The following LINGO3 variants were observed in gnomAD, a reference collection of about 807,000 sequenced individuals.
The protein encoded by LINGO3 is leucine-rich repeat and immunoglobulin-like domain-containing nogo receptor-interacting protein 3.
For missense variants in LINGO3, 750 were observed against 867.7 expected (o/e 0.86, Z 1.70); for synonymous variants, 427 against 444.2 (o/e 0.96, Z 0.49).
upstream of LINGO3, among the ~76,000 whole-genome samples, chr19:2,296,969 G>A (rs1026404059): frequency 4.0e-5 from 6 of 151,600 alleles, no homozygotes; most frequent in African/African-American, 2.4e-5. Flanking sequence ...GCGGGCGCCC[G>A]TAGTCCCAGC....
At chr19:2,307,676 G>A in the LINGO3 span, among the ~76,000 whole-genome samples, 1 of 152,178 alleles carries the variant, frequency 6.6e-6, no homozygotes, top group African/African-American at 2.4e-5. Context: ...GACCCGGCTC[G>A]GGGGAGACAG....
Position 2,290,608 on chromosome 19 carries a change from A to G in LINGO3, c.1169T>C (p.Leu390Pro). 6.3e-7 allele frequency: 1 copy of G among 1,589,204 alleles called. No homozygotes were observed. Among genetic ancestry groups the G allele is most frequent in the Non-Finnish European group, 8.5e-7 (1 of 1,172,758 alleles). The change falls in exon 1 of 1, where the codon CTG becomes CCG. Residue 390 changes from leucine to proline, a missense_variant. By Grantham distance (98) the Leu-to-Pro change is moderately conservative. Transcript: ENST00000585527. This position sits in a 1 kb window ranked among gnomAD's most constrained non-coding sequence, Gnocchi z 6.0. ...CAGCACGGAGTCCGGCAGGTTTCGC[A>G]GCGCGTCGCCGCGCACCTCGGCCGG...
chr19:2,288,068 C>T (rs1001068444), downstream of LINGO3, among the ~76,000 whole-genome samples: 16 of 152,322 alleles, frequency 1.1e-4, no homozygotes, highest in Admixed American at 9.2e-4. This position sits in a 1 kb window ranked among gnomAD's most constrained non-coding sequence, Gnocchi z 6.5. Flanking sequence ...CTGAATCCTT[C>T]TGCAAAACCT....
downstream of LINGO3, among the ~76,000 whole-genome samples, chr19:2,287,235 A>C (rs2025477280): frequency 6.7e-6 from 1 of 149,620 alleles, no homozygotes; most frequent in Admixed American, 6.6e-5. The surrounding 1 kb of genome is among the most constrained non-coding windows in gnomAD (Gnocchi z 4.5). Flanking sequence ...GGGGGTGCTG[A>C]GGGGTCTTAG....
chr19:2,307,186 T>C, the LINGO3 span, among the ~76,000 whole-genome samples: 4 of 152,302 alleles, frequency 2.6e-5, no homozygotes, highest in African/African-American at 9.6e-5. Context: ...CAAGGGTGTC[T>C]GCAGCCTCGC....
In LINGO3 at chr19:2,290,034, C is replaced by T. The variant is rs1568411359; in HGVS notation, c.1743G>A (p.Gln581=). The T allele has an allele frequency of 2.6e-6, 4 of 1,549,114 alleles. No homozygotes were observed. Among genetic ancestry groups the T allele is most frequent in the Middle Eastern group, 1.7e-4 (1 of 5,980 alleles). ...TCATGTTGAACTTGCGCGCGCCTCC[C>T]TGGCCCGCCGCGGCGGCCGGCCCAT... Residue 581 remains glutamine (Q), a synonymous_variant, in exon 1 of 1, where the codon CAG becomes CAA. Coordinates refer to ENST00000585527, the Ensembl canonical transcript of LINGO3. This position sits in a 1 kb window ranked among gnomAD's most constrained non-coding sequence, Gnocchi z 6.0.
chr19:2,294,734 C>T (rs554420768), upstream of LINGO3, among the ~76,000 whole-genome samples: 25 of 151,774 alleles, frequency 1.6e-4, no homozygotes, highest in African/African-American at 5.6e-4. This position sits in a 1 kb window ranked among gnomAD's most constrained non-coding sequence, Gnocchi z 4.3. Context: ...GGGCTGTTTC[C>T]GTCTCTCCTG....
upstream of LINGO3, among the ~76,000 whole-genome samples, chr19:2,296,135 T>C (rs1776307121): frequency 6.6e-6 from 1 of 152,212 alleles, no homozygotes; most frequent in Non-Finnish European, 1.5e-5. Flanking sequence ...TCTCCCGAGC[T>C]GCTGCCCTGC....
the LINGO3 span, among the ~76,000 whole-genome samples, chr19:2,302,491 C>T: frequency 6.6e-6 from 1 of 152,252 alleles, no homozygotes; most frequent in Non-Finnish European, 1.5e-5. Flanking sequence ...CTCCTCGGCT[C>T]TGCGCCCCGC....
chr19:2,305,852 G>A, the LINGO3 span, among the ~76,000 whole-genome samples: 3 of 152,160 alleles, frequency 2.0e-5, no homozygotes, highest in Non-Finnish European at 2.9e-5. Context: ...ACAGCACGTG[G>A]CCCTCCAAGG....
chr19:2,296,899 T>C (rs992327231), upstream of LINGO3, among the ~76,000 whole-genome samples: 15 of 148,218 alleles, frequency 1.0e-4, no homozygotes, highest in East Asian at 1.6e-3. Context: ...CCATCCTGGC[T>C]AACATGGTGA....
chr19:2,294,937 C>G (rs1176617697), upstream of LINGO3, among the ~76,000 whole-genome samples: 1 of 151,966 alleles, frequency 6.6e-6, no homozygotes, highest in Non-Finnish European at 1.5e-5. The surrounding 1 kb of genome is among the most constrained non-coding windows in gnomAD (Gnocchi z 4.3). Context: ...GGCAGCTGAG[C>G]CCCCCTCGGC....
At chr19:2,293,701 C>T (rs2025548221), upstream of LINGO3, among the ~76,000 whole-genome samples, 1 of 152,080 alleles carries the variant, frequency 6.6e-6, no homozygotes, top group East Asian at 2.0e-4. Context: ...CAGGCCCATC[C>T]ACAGACAGGG....
chr19:2,301,702 C>T, the LINGO3 span, among the ~76,000 whole-genome samples: 2 of 151,936 alleles, frequency 1.3e-5, no homozygotes, highest in Admixed American at 6.6e-5. Flanking sequence ...CCGAGGAGGG[C>T]GGATCACAAG....
chr19:2,297,355 A>C, the LINGO3 span, among the ~76,000 whole-genome samples: 3 of 113,762 alleles, frequency 2.6e-5, no homozygotes, highest in Admixed American at 3.7e-4. Context: ...CCCAGGCTGG[A>C]GTGCAGTGGC....
exon 1 of LINGO3, chr19:2,291,450 G>A: frequency 6.2e-7 from 1 of 1,613,162 alleles, no homozygotes; most frequent in South Asian, 1.1e-5. Context: ...GGTTGCCACG[G>A]AGACGCAGGA....
chr19:2,306,912 A>G, the LINGO3 span, among the ~76,000 whole-genome samples: 1 of 152,098 alleles, frequency 6.6e-6, no homozygotes, highest in African/African-American at 2.4e-5. Flanking sequence ...GGGTAAGGCC[A>G]TGCCGCGGCA....
In LINGO3 at chr19:2,291,716, G is replaced by C. The variant is rs547609531; in HGVS notation, c.61C>G (p.Pro21Ala). Reference sequence around the variant, plus strand: ...CAGCGGGCCGGGCAGCCTCCAGCCGGGGGCGGCGCCGCGGGCAGCAGGAGC... The same window carrying C: ...CAGCGGGCCGGGCAGCCTCCAGCCGCGGGCGGCGCCGCGGGCAGCAGGAGC... Residue 21 changes from proline to alanine, a missense_variant, in exon 1 of 1, where the codon CCG becomes GCG. Transcript: ENST00000585527. The C allele has an allele frequency of 6.0e-6, 8 of 1,342,148 alleles. No individual in the cohort carries two copies. In the South Asian group the frequency reaches 1.1e-4, roughly 18 times the overall value. The allele number at this position is 1,342,148 out of a possible 1,614,324, so 83.1% of individuals were successfully genotyped here. A position where few individuals can be genotyped will look rare whatever the true frequency, so the allele number is the denominator to read the frequency against.
chr19:2,292,780 G>A (rs1372684778), upstream of LINGO3, among the ~76,000 whole-genome samples: 2 of 152,024 alleles, frequency 1.3e-5, no homozygotes, highest in African/African-American at 2.4e-5. Flanking sequence ...GTGAGCCACC[G>A]CGCCCACCCG....
Sources: allele counts gnomAD v4.1 joint callset (sites outside exome capture counted in the v4.1 genomes callset), GRCh38; gene constraint gnomAD v4.1.1; non-coding constraint Gnocchi (gnomAD v3.1); transcripts MANE v1.5; gene names NCBI Gene and HGNC (gene_info 2026-07-23, HGNC 2026-07-21).